Variants in LDLRAD4 observed in about 807,000 individuals in gnomAD.
The protein encoded by LDLRAD4 is low-density lipoprotein receptor class A domain-containing protein 4.
In LDLRAD4, 5 loss-of-function variants were observed where a neutral mutation model predicts 17.0. The observed-to-expected ratio is 0.29, with a 90% CI of 0.15 to 0.62. The LOEUF is 0.62. Among genes scored for constraint, LDLRAD4 ranks in the 20% least tolerant of loss-of-function variants. The probability of loss-of-function intolerance (pLI) is 0.84; values close to 1 mark genes in which losing one functional copy is unlikely to be tolerated. For synonymous variants in LDLRAD4, 168 were observed against 171.8 expected, an observed-to-expected ratio of 0.98 and a Z score of 0.17; for missense variants, 340 against 424.7, an observed-to-expected ratio of 0.80 and a Z score of 1.75.
At chr18:13,258,051 A>C (rs570301005) in intron 1 of LDLRAD4, among the ~76,000 whole-genome samples, 3 of 152,366 alleles carry the variant, frequency 2.0e-5, no homozygotes, top group South Asian at 4.1e-4. Context: ...CCTATCTTAA[A>C]AGAAAGAAAG....
intron 3 of LDLRAD4, among the ~76,000 whole-genome samples, chr18:13,539,001 A>G (rs1331815014): frequency 6.6e-6 from 1 of 152,194 alleles, no homozygotes; most frequent in Non-Finnish European, 1.5e-5. Context: ...TTGGCTCTTA[A>G]TGAGAAATTC....
At chr18:13,558,530 A>G (rs975580903) in intron 3 of LDLRAD4, among the ~76,000 whole-genome samples, 1 of 152,210 alleles carries the variant, frequency 6.6e-6, no homozygotes, top group Non-Finnish European at 1.5e-5. Context: ...TGTAGCTGTA[A>G]CCCGAAGAAT....
chr18:13,642,717 T>C, intron 4 of LDLRAD4: 1 of 1,231,618 alleles, frequency 8.1e-7, no homozygotes, highest in African/African-American at 1.5e-5. Flanking sequence ...GGCCACTGAA[T>C]GCGGTTGGAC....
intron 3 of LDLRAD4, among the ~76,000 whole-genome samples, chr18:13,445,470 CAT>C (rs764950424): frequency 4.6e-5 from 7 of 151,402 alleles, no homozygotes; most frequent in African/African-American, 7.3e-5. Flanking sequence ...TGAATATGTC[CAT>C]GTGTGTGAGG....
At chr18:13,565,376 C>T (rs8097090) in intron 3 of LDLRAD4, among the ~76,000 whole-genome samples, 30,800 of 146,686 alleles carry the variant, frequency 0.21, 3,300 homozygotes, top group Non-Finnish European at 0.23. Context: ...CCGTTGCCAG[C>T]GCCAAGCTGG....
intron 2 of LDLRAD4, among the ~76,000 whole-genome samples, chr18:13,408,807 C>G (rs984219212): frequency 5.9e-5 from 9 of 151,980 alleles, no homozygotes; most frequent in African/African-American, 2.2e-4. Context: ...GATGCCTTTT[C>G]TTCTTCTCTC....
chr18:13,631,149 T>A (rs1283167806), intron 4 of LDLRAD4, among the ~76,000 whole-genome samples: 1 of 152,172 alleles, frequency 6.6e-6, no homozygotes. Context: ...CAGACGACTG[T>A]CCTTTAATAA....
intron 1 of LDLRAD4, among the ~76,000 whole-genome samples, chr18:13,337,959 A>G (rs2082185662): frequency 6.6e-6 from 1 of 152,202 alleles, no homozygotes; most frequent in Non-Finnish European, 1.5e-5. Flanking sequence ...AAGCAACTTT[A>G]GTCTTACTGG....
At chr18:13,616,572 C>G (rs1007013437) in intron 3 of LDLRAD4, among the ~76,000 whole-genome samples, 2 of 152,212 alleles carry the variant, frequency 1.3e-5, no homozygotes, top group African/African-American at 2.4e-5. Flanking sequence ...GGGCCCCGCA[C>G]CAGACCCTGA....
chr18:13,420,447 A>G (rs1344446441), intron 2 of LDLRAD4: 3 of 152,238 alleles, frequency 2.0e-5, no homozygotes, highest in African/African-American at 7.2e-5. Flanking sequence ...CCAGCACTAA[A>G]TAACAGCCCC....
intron 2 of LDLRAD4, among the ~76,000 whole-genome samples, chr18:13,413,371 A>T (rs2145730295): frequency 6.6e-6 from 1 of 152,386 alleles, no homozygotes; most frequent in Admixed American, 6.5e-5. Flanking sequence ...AAGCTGATAG[A>T]GAATTCTGAC....
chr18:13,242,393 C>T (rs889946249), intron 1 of LDLRAD4, among the ~76,000 whole-genome samples: 10 of 152,230 alleles, frequency 6.6e-5, no homozygotes, highest in South Asian at 4.2e-4. Flanking sequence ...GAGCTGTGGC[C>T]GGGGTGATCG....
At chr18:13,397,775 T>A (rs1363624318) in intron 2 of LDLRAD4, among the ~76,000 whole-genome samples, 4 of 152,220 alleles carry the variant, frequency 2.6e-5, no homozygotes, top group Non-Finnish European at 5.9e-5. Flanking sequence ...TACTGGGAGT[T>A]GGGGAGAAAA....
At chr18:13,437,944 G>A (rs2090774257) in intron 2 of LDLRAD4, among the ~76,000 whole-genome samples, 1 of 152,232 alleles carries the variant, frequency 6.6e-6, no homozygotes, top group Non-Finnish European at 1.5e-5. Flanking sequence ...TGCAGAGCAG[G>A]TTGTGGAAAG....
chr18:13,284,805 TG>T (rs1567967249), intron 1 of LDLRAD4, among the ~76,000 whole-genome samples: 1 of 152,152 alleles, frequency 6.6e-6, no homozygotes, highest in Non-Finnish European at 1.5e-5. Flanking sequence ...TGTGCTCGAG[TG>T]TGAAACACGC....
intron 3 of LDLRAD4, among the ~76,000 whole-genome samples, chr18:13,496,752 CA>C (rs11325753): frequency 0.28 from 42,836 of 152,024 alleles, 7,071 homozygotes; most frequent in Middle Eastern, 0.39. Context: ...GGTGTGATTT[CA>C]AGGTTTGTGG....
chr18:13,262,184 C>T (rs2043880763), intron 1 of LDLRAD4, among the ~76,000 whole-genome samples: 1 of 131,154 alleles, frequency 7.6e-6, no homozygotes, highest in Non-Finnish European at 1.6e-5. Flanking sequence ...CCGTGTGGCC[C>T]TGTGCATGGA....
intron 1 of LDLRAD4, among the ~76,000 whole-genome samples, chr18:13,323,917 T>C (rs1343571095): frequency 3.2e-5 from 2 of 61,792 alleles, no homozygotes; most frequent in Non-Finnish European, 6.9e-5. Flanking sequence ...AGTATAAAAA[T>C]TAGCCGGGTG....
intron 3 of LDLRAD4, among the ~76,000 whole-genome samples, chr18:13,473,636 CAT>C (rs71366054): frequency 0.028 from 803 of 28,708 alleles, 5 homozygotes; most frequent in African/African-American, 0.045. Flanking sequence ...GATCCCATCT[CAT>C]ATATATATAT....
Sources: allele counts gnomAD v4.1 joint callset (sites outside exome capture counted in the v4.1 genomes callset), GRCh38; gene constraint gnomAD v4.1.1; transcripts MANE v1.5; gene names NCBI Gene and HGNC (gene_info 2026-07-23, HGNC 2026-07-21).